CYLD: variants seen among roughly 807,000 people sequenced by gnomAD.
The protein encoded by CYLD is ubiquitin carboxyl-terminal hydrolase CYLD.
A neutral mutation model predicts 104.5 loss-of-function variants in CYLD; 26 were observed. That is an observed-to-expected ratio of 0.25 (90% CI 0.18 to 0.35). The LOEUF (loss-of-function observed/expected upper bound fraction) is 0.35, where lower values mean the gene tolerates loss of function less well. CYLD is among the 10% of genes least tolerant of loss of function. The pLI is 1.00. For missense variants in CYLD, 703 were observed against 1,136.1 expected (o/e 0.62, Z 5.48); for synonymous variants, 385 against 399.9 (o/e 0.96, Z 0.45).
chr16:50,748,698 CAT>C (rs1333703876), intron 2 of CYLD, among the ~76,000 whole-genome samples: 1 of 151,996 alleles, frequency 6.6e-6, no homozygotes, highest in Non-Finnish European at 1.5e-5. Flanking sequence ...TTAATATAGT[CAT>C]ATTATAATAT....
rs940896803 is a variant in CYLD, at chr16:50,794,231, G to A, written c.2489G>A (p.Arg830Lys). The A allele has an allele frequency of 1.2e-6, 2 of 1,614,034 alleles. No homozygotes were observed. The highest frequency in any genetic ancestry group is 1.3e-5 in the African/African-American group (1 of 74,920). ...TTTTAGGTCCACCTTCATCCGAAGA[G>A]GCTGAATCATAAATATAACCCAGTG... ...CNTQVHLHPK[R>K]LNHKYNPVSL... Residue 830 changes from arginine (R) to lysine (K), a missense_variant, in exon 18 of 19, where the codon AGG becomes AAG. Around this residue, in one of 5 missense-constraint regions of CYLD, gnomAD observed 130 missense variants for 220.2 expected, o/e 0.59. Transcript: ENST00000427738. This position sits in a 1 kb window ranked among gnomAD's most constrained non-coding sequence, Gnocchi z 4.1.
At position 50,794,680 on chromosome 16, in the gene CYLD, G is replaced by A. The variant is rs1222157865; in HGVS notation, c.2686+252G>A. 12 of 484,034 alleles carry A rather than the reference G, an allele frequency of 2.5e-5. No individual in the cohort carries two copies. The East Asian group carries it at 4.4e-4, about 18-fold the overall frequency. 30.0% of individuals were successfully genotyped at this position (484,034 alleles called of 1,614,324 possible). On this transcript the variant is annotated intron_variant, in intron 18 of 18. Transcript: ENST00000427738. The surrounding 1 kb of genome is among the most constrained non-coding windows in gnomAD (Gnocchi z 4.1). ...CTGTCACCCAGGCTGGAGTGCAGCAGCGTGATCTTGGCTCATTGCAACCTC... is the reference window on the plus strand; with the variant it reads ...CTGTCACCCAGGCTGGAGTGCAGCAACGTGATCTTGGCTCATTGCAACCTC...
At chr16:50,758,053 GAGAC>G (rs776869415) in intron 5 of CYLD, among the ~76,000 whole-genome samples, 1 of 152,102 alleles carries the variant, frequency 6.6e-6, no homozygotes, top group African/African-American at 2.4e-5. Flanking sequence ...CTAGTGAGTG[GAGAC>G]AGACAGTAAA....
At chr16:50,775,549 G>A (rs1416117016) in intron 6 of CYLD, among the ~76,000 whole-genome samples, 15 of 152,042 alleles carry the variant, frequency 9.9e-5, no homozygotes, top group Non-Finnish European at 5.9e-5. Flanking sequence ...TTCTTAACCA[G>A]AACTTTCTTT....
Position 50,767,519 on chromosome 16 carries a change from TA to T in CYLD, c.914-7637del, listed in dbSNP as rs375658874. ...TACTTTTGAAAGCTCAAAAAATAAT[TA>T]AAAAAAAAAGCATTTTAGATTGAAA... On this transcript the variant is annotated intron_variant, in intron 5 of 18. Transcript: ENST00000427738. Among the ~76,000 whole-genome samples the T allele has an allele frequency of 5.6e-3, 827 of 146,922 alleles. 4 individuals carry two copies. The highest frequency in any genetic ancestry group is 0.016 in the African/African-American group (654 of 40,196).
At position 50,751,464 on chromosome 16, in the gene CYLD, C is replaced by G. The variant is rs935521749; in HGVS notation, c.505-140C>G. On this transcript the variant is annotated intron_variant, in intron 3 of 18. Coordinates refer to ENST00000427738, the MANE Select transcript of CYLD (RefSeq NM_001378743.1). ...TAAAACACTCTAAATCCAACAGAAA[C>G]TGCTAATAATTGTATTTCTTATTAT... 3 of 605,908 alleles carry G rather than the reference C, an allele frequency of 5.0e-6. No homozygotes were observed. The South Asian group carries it at 7.8e-5, about 16-fold the overall frequency. The allele number at this position is 605,908 out of a possible 1,614,324, so 37.5% of individuals were successfully genotyped here.
At position 50,781,289 on chromosome 16, in the gene CYLD, C is replaced by T. The variant is rs928783559; in HGVS notation, c.1562C>T (p.Thr521Ile). The T allele has an allele frequency of 6.2e-7, 1 of 1,613,964 alleles. No individual in the cohort carries two copies. Among genetic ancestry groups the T allele is most frequent in the Non-Finnish European group, 8.5e-7 (1 of 1,179,872 alleles). Residue 521 changes from threonine to isoleucine, a missense_variant, in exon 10 of 19, where the codon ACT becomes ATT. Physicochemically the swap from Thr to Ile is moderately conservative, Grantham distance 89. Around this residue, in one of 5 missense-constraint regions of CYLD, gnomAD observed 125 missense variants for 325.4 expected, o/e 0.38. Coordinates refer to ENST00000427738, the MANE Select transcript of CYLD (RefSeq NM_001378743.1). ...AGCTDGTFRG[T>I]RYFTCALKKA... ...TGTACGGATGGAACCTTCAGAGGCA[C>T]TCGGTATTTCACCTGTGCCCTGAAG...
chr16:50,792,716 GA>G lies in CYLD; in HGVS notation c.2350+12del, dbSNP rs1567458379. ...ATTTACTTGAAGACAGTAAGTATGA[GA>G]TTTTTTTAGTTTGTTTTGTTGGTTT... On this transcript the variant is annotated intron_variant, in intron 16 of 18. Transcript: ENST00000427738. The G allele has an allele frequency of 2.2e-6, 3 of 1,342,124 alleles. No individual in the cohort carries two copies. The highest frequency in any genetic ancestry group is 4.7e-5 in the East Asian group (2 of 42,246). 83.1% of individuals were successfully genotyped at this position (1,342,124 alleles called of 1,614,324 possible).
rs202120212 is a variant in CYLD at position 50,779,718 on chromosome 16, T to G, written c.1192T>G (p.Ser398Ala). The change falls in exon 9 of 19, where the codon TCT becomes GCT. Residue 398 changes from serine (S) to alanine (A), a missense_variant. By Grantham distance (99) the Ser-to-Ala change is moderately conservative. Around this residue, in one of 5 missense-constraint regions of CYLD, gnomAD observed 183 missense variants for 212.1 expected, o/e 0.86. Coordinates refer to ENST00000427738, the MANE Select transcript of CYLD (RefSeq NM_001378743.1). Reference protein sequence around the residue: ...LTEISTDFDRSSPPLQPPPVN... With the variant: ...LTEISTDFDRASPPLQPPPVN... The stretch of plus-strand genomic sequence containing the variant: ...AGAGATATCTACAGACTTTGACCGT[T>G]CTTCACCACCACTCCAGCCTCCTCC... The G allele has an allele frequency of 4.6e-5, 74 of 1,613,838 alleles. No homozygotes were observed. The African/African-American group carries it at 9.1e-4, about 20-fold the overall frequency.
chr16:50,793,115 T>TACACACAC (rs3064638), intron 16 of CYLD, among the ~76,000 whole-genome samples: 13 of 145,144 alleles, frequency 9.0e-5, no homozygotes, highest in African/African-American at 1.7e-4. Flanking sequence ...AGGAGCCATA[T>TACACACAC]ACACACACAC....
At chr16:50,789,759 T>C (rs1971245010) in intron 14 of CYLD, among the ~76,000 whole-genome samples, 1 of 151,934 alleles carries the variant, frequency 6.6e-6, no homozygotes, top group African/African-American at 2.4e-5. Context: ...AATTAAATAG[T>C]CTAAAAGAGA....
chr16:50,783,454 A>G (rs1338036949), intron 11 of CYLD, among the ~76,000 whole-genome samples: 3 of 152,218 alleles, frequency 2.0e-5, no homozygotes, highest in African/African-American at 7.2e-5. Flanking sequence ...ACCTTGTAGC[A>G]TTGATATAAT....
At position 50,749,823 on chromosome 16, in the gene CYLD, C is replaced by G. The variant is rs770539079; in HGVS notation, c.125C>G (p.Pro42Arg). The G allele has an allele frequency of 1.2e-6, 2 of 1,613,998 alleles. No individual in the cohort carries two copies. The highest frequency in any genetic ancestry group is 1.7e-6 in the Non-Finnish European group (2 of 1,180,012). Reference sequence around the variant, plus strand: ...CAAACACAAAAGCTCCTTAAAGTACCGAAGGGAAGTATAGGACAGTATATT... The same window carrying G: ...CAAACACAAAAGCTCCTTAAAGTACGGAAGGGAAGTATAGGACAGTATATT... ...DKQTQKLLKV[P>R]KGSIGQYIQD... Residue 42 changes from proline (P) to arginine (R), a missense_variant, in exon 3 of 19, where the codon CCG becomes CGG. Coordinates refer to ENST00000427738, the MANE Select transcript of CYLD (RefSeq NM_001378743.1).
In CYLD at chr16:50,747,687, GAGGT is replaced by G. The variant is rs1166754341; in HGVS notation, c.-123-1888_-123-1885del. On this transcript the variant is annotated intron_variant, in intron 2 of 18. Transcript: ENST00000427738. Reference sequence around the variant, plus strand: ...GTTTTGTTTATATTGTGTCAAGATAGAGGTTTCCACAGGTGTCTTATATAAGTGG... The same window carrying G: ...GTTTTGTTTATATTGTGTCAAGATAGTTCCACAGGTGTCTTATATAAGTGG... Among the ~76,000 whole-genome samples the G allele has an allele frequency of 5.2e-3, 797 of 152,330 alleles. 7 individuals carry two copies. The highest frequency in any genetic ancestry group is 0.018 in the African/African-American group (747 of 41,582).
chr16:50,754,485 T>A lies in CYLD; in HGVS notation c.913+61T>A, dbSNP rs929646400. 2.7e-6 allele frequency: 3 copies of A among 1,101,640 alleles called. No individual in the cohort carries two copies. In the African/African-American group the frequency reaches 4.7e-5, roughly 17 times the overall value. 68.2% of individuals were successfully genotyped at this position (1,101,640 alleles called of 1,614,324 possible). A position where few individuals can be genotyped will look rare whatever the true frequency, so the allele number is the denominator to read the frequency against. On this transcript the variant is annotated intron_variant, in intron 5 of 18. Transcript: ENST00000427738. The stretch of plus-strand genomic sequence containing the variant: ...ACTTTATTTTTTAATTTTTTATTTT[T>A]TTATATCAATATGTTTTGGGGGAAC...
chr16:50,754,669 T>C (rs1201607444), intron 5 of CYLD, among the ~76,000 whole-genome samples: 5 of 149,780 alleles, frequency 3.3e-5, no homozygotes, highest in African/African-American at 7.4e-5. Flanking sequence ...CAATGTATTA[T>C]TCTTACACCT....
At chr16:50,745,783 A>AC (rs1966142237) in intron 2 of CYLD, among the ~76,000 whole-genome samples, 1 of 151,812 alleles carries the variant, frequency 6.6e-6, no homozygotes, top group African/African-American at 2.4e-5. Flanking sequence ...AAACTAACAA[A>AC]CCAACCTTCT....
intron 5 of CYLD, among the ~76,000 whole-genome samples, chr16:50,757,931 G>C (rs745652419): frequency 2.0e-4 from 31 of 152,180 alleles, no homozygotes; most frequent in Non-Finnish European, 3.8e-4. Context: ...TTACAAAACA[G>C]TTTAATAAAA....
chr16:50,776,418 G>A, intron 7 of CYLD, 141 bp downstream of exon 7: 1 of 706,938 alleles, frequency 1.4e-6, no homozygotes, highest in South Asian at 1.6e-5. Context: ...TGAAACTAAA[G>A]TTTGTATATA....
Sources: gnomAD v4.1 joint callset for allele counts (sites outside exome capture counted in the v4.1 genomes callset) on GRCh38, gnomAD v4.1.1 for gene constraint, gnomAD v4.1.1 regional missense constraint, Gnocchi (gnomAD v3.1) non-coding constraint, MANE v1.5 for transcripts, NCBI Gene and HGNC (gene_info 2026-07-23, HGNC 2026-07-21) for gene names.